Variants in MAGI2 observed in about 807,000 individuals in gnomAD.
The protein encoded by MAGI2 is membrane associated guanylate kinase, WW and PDZ domain containing 2.
MAGI2 carries 35 observed loss-of-function variants against 133.3 expected under a neutral mutation model. That is an observed-to-expected ratio of 0.26 (90% CI 0.20 to 0.35). MAGI2 has a LOEUF of 0.35. MAGI2 is among the 10% of genes least tolerant of loss of function. The pLI, the probability that MAGI2 is intolerant of heterozygous loss-of-function variation, is 1.00. For synonymous variants in MAGI2, 729 were observed against 710.6 expected (o/e 1.03, Z -0.41); for missense variants, 1,636 against 1,863.4 (o/e 0.88, Z 2.25).
intron 6 of MAGI2, among the ~76,000 whole-genome samples, chr7:78,398,839 G>C (rs1796595282): frequency 6.6e-6 from 1 of 151,956 alleles, no homozygotes. Context: ...CCTGCTTTTT[G>C]TTTCAGGGCA....
chr7:78,826,684 G>A (rs1790682222), intron 2 of MAGI2, among the ~76,000 whole-genome samples: 1 of 152,130 alleles, frequency 6.6e-6, no homozygotes, highest in South Asian at 2.1e-4. Flanking sequence ...GGTCAGGAGA[G>A]TTCTAGGATG....
At chr7:78,998,053 T>G (rs1327374186) in intron 2 of MAGI2, among the ~76,000 whole-genome samples, 1 of 152,152 alleles carries the variant, frequency 6.6e-6, no homozygotes, top group Admixed American at 6.6e-5. Flanking sequence ...GGACCATATT[T>G]CAGAGTTTCA....
intron 1 of MAGI2, among the ~76,000 whole-genome samples, chr7:79,399,692 C>G (rs773382431): frequency 3.9e-5 from 6 of 152,126 alleles, no homozygotes; most frequent in Non-Finnish European, 8.8e-5. Flanking sequence ...TTAAAGGACC[C>G]TAATTCTTGA....
intron 2 of MAGI2, among the ~76,000 whole-genome samples, chr7:78,762,238 G>A (rs1023554076): frequency 2.6e-5 from 4 of 151,472 alleles, no homozygotes; most frequent in Non-Finnish European, 4.4e-5. Context: ...GGGGTCAGGA[G>A]TTCAAGACCA....
chr7:78,639,109 C>G (rs959569474), intron 2 of MAGI2, among the ~76,000 whole-genome samples: 1 of 152,108 alleles, frequency 6.6e-6, no homozygotes, highest in Admixed American at 6.5e-5. Context: ...TGGATCATAA[C>G]TTTATCATTT....
At chr7:78,154,997 CAGTT>C (rs1335523571) in intron 16 of MAGI2, among the ~76,000 whole-genome samples, 4 of 152,292 alleles carry the variant, frequency 2.6e-5, no homozygotes, top group African/African-American at 9.6e-5. Context: ...AGAATGAAAA[CAGTT>C]AGTCAATGGC....
intron 2 of MAGI2, among the ~76,000 whole-genome samples, chr7:78,698,044 T>A (rs1817693666): frequency 6.6e-6 from 1 of 152,170 alleles, no homozygotes; most frequent in Non-Finnish European, 1.5e-5. Flanking sequence ...TAGAAATAAT[T>A]TCCATGATTA....
Position 79,312,761 on chromosome 7 carries a change from A to T in MAGI2, c.301+140259T>A, listed in dbSNP as rs146743985. Among the ~76,000 whole-genome samples the T allele has an allele frequency of 2.0e-5, 3 of 152,336 alleles. No individual in the cohort carries two copies. The East Asian group carries it at 5.8e-4, about 29-fold the overall frequency. On this transcript the variant is annotated intron_variant, in intron 1 of 21. Coordinates refer to ENST00000354212, the MANE Select transcript of MAGI2 (RefSeq NM_012301.4). The stretch of plus-strand genomic sequence containing the variant: ...AAGATGGATGAATGGCATGAAGAGC[A>T]CTGTCAAAACCTAAGTATTGGGATC...
chr7:78,710,440 A>G (rs932836251), intron 2 of MAGI2, among the ~76,000 whole-genome samples: 1 of 152,172 alleles, frequency 6.6e-6, no homozygotes, highest in Admixed American at 6.5e-5. Flanking sequence ...ACCCCATCAA[A>G]GAATGTGACT....
chr7:78,037,661 T>C (rs3807791), intron 21 of MAGI2, among the ~76,000 whole-genome samples: 30,105 of 152,118 alleles, frequency 0.2, 4,112 homozygotes, highest in African/African-American at 0.39. Flanking sequence ...AATTTGACTA[T>C]CCTTACAGAT....
chr7:79,136,003 G>GAAAGAAAGAAAGAGAGAGAAAGAA (rs749343638), intron 1 of MAGI2, among the ~76,000 whole-genome samples: 1 of 40,890 alleles, frequency 2.4e-5, no homozygotes, highest in African/African-American at 8.9e-5. Flanking sequence ...AAGAAAGAAA[G>GAAAGAAAGAAAGAGAGAGAAAGAA]AGAAAGAAAG....
intron 2 of MAGI2, among the ~76,000 whole-genome samples, chr7:78,865,066 T>C (rs1187898647): frequency 1.3e-5 from 2 of 152,202 alleles, no homozygotes; most frequent in African/African-American, 4.8e-5. Flanking sequence ...GAGAGTCAGA[T>C]GTTTCTATTA....
intron 7 of MAGI2, among the ~76,000 whole-genome samples, chr7:78,357,491 A>G (rs1792207226): frequency 6.6e-6 from 1 of 152,174 alleles, no homozygotes; most frequent in African/African-American, 2.4e-5. Context: ...CTGTCATTTT[A>G]TTTATCTGAA....
intron 9 of MAGI2, among the ~76,000 whole-genome samples, chr7:78,316,282 G>T (rs910856235): frequency 1.3e-5 from 2 of 152,134 alleles, no homozygotes; most frequent in Non-Finnish European, 1.5e-5. Context: ...ATAAAACTGG[G>T]TGTATATAAA....
At chr7:78,639,413 G>C (rs368874550) in intron 2 of MAGI2, among the ~76,000 whole-genome samples, 3 of 152,310 alleles carry the variant, frequency 2.0e-5, no homozygotes, top group African/African-American at 7.2e-5. Flanking sequence ...ACAAAGAAGA[G>C]AGGGAGGAGT....
At chr7:78,652,074 C>G (rs889812183) in intron 2 of MAGI2, among the ~76,000 whole-genome samples, 1 of 152,050 alleles carries the variant, frequency 6.6e-6, no homozygotes, top group Non-Finnish European at 1.5e-5. Flanking sequence ...ACACAACTGT[C>G]GAATGAGTTA....
chr7:78,034,722 T>TA, intron 21 of MAGI2, among the ~76,000 whole-genome samples: 1 of 152,206 alleles, frequency 6.6e-6, no homozygotes, highest in Non-Finnish European at 1.5e-5. Flanking sequence ...GAGACAGGGT[T>TA]TCACCATGTT....
chr7:78,464,841 T>C (rs999054577), intron 6 of MAGI2, among the ~76,000 whole-genome samples: 2 of 152,122 alleles, frequency 1.3e-5, no homozygotes, highest in African/African-American at 4.8e-5. Context: ...CATACCATTA[T>C]TCAGCTTTAA....
intron 6 of MAGI2, among the ~76,000 whole-genome samples, chr7:78,407,398 A>G (rs1320449792): frequency 6.6e-6 from 1 of 151,964 alleles, no homozygotes; most frequent in Non-Finnish European, 1.5e-5. Flanking sequence ...AAAAAAAGTC[A>G]CCTTTTGTTA....
Sources: gnomAD v4.1 joint callset for allele counts (sites outside exome capture counted in the v4.1 genomes callset) on GRCh38, gnomAD v4.1.1 for gene constraint, MANE v1.5 for transcripts, NCBI Gene and HGNC (gene_info 2026-07-23, HGNC 2026-07-21) for gene names.